Variants in ABTB2 observed in about 807,000 individuals in gnomAD.
ABTB2 encodes the protein ankyrin repeat and BTB/POZ domain-containing protein 2.
In ABTB2, 56 loss-of-function variants were observed where a neutral mutation model predicts 104.1. The observed-to-expected ratio is 0.54, with a 90% CI of 0.43 to 0.67. ABTB2 has a LOEUF of 0.67. Ranked by LOEUF, ABTB2 falls within the 30% of genes least tolerant of loss-of-function variation. The pLI is 0.00. For missense variants in ABTB2, 1,279 were observed against 1,407.7 expected (o/e 0.91, Z 1.46); for synonymous variants, 606 against 608.2 (o/e 1.00, Z 0.05).
intron 14 of ABTB2, among the ~76,000 whole-genome samples, chr11:34,158,193 T>G (rs1274589112): frequency 1.3e-5 from 2 of 152,192 alleles, no homozygotes; most frequent in African/African-American, 2.4e-5. Flanking sequence ...GGCGGGTGGA[T>G]CACAAGGTTA....
At chr11:34,206,332 G>C (rs1853407335) in intron 1 of ABTB2, among the ~76,000 whole-genome samples, 1 of 152,122 alleles carries the variant, frequency 6.6e-6, no homozygotes, top group Non-Finnish European at 1.5e-5. Flanking sequence ...GCAGTGAGCT[G>C]AGATCACGCC....
chr11:34,298,324 C>T (rs1314986530), intron 1 of ABTB2, among the ~76,000 whole-genome samples: 1 of 151,588 alleles, frequency 6.6e-6, no homozygotes, highest in African/African-American at 2.4e-5. Flanking sequence ...ATAGCCTTAG[C>T]ATAAAACTAA....
chr11:34,281,684 G>A (rs965823763), intron 1 of ABTB2, among the ~76,000 whole-genome samples: 4 of 152,186 alleles, frequency 2.6e-5, no homozygotes, highest in Admixed American at 6.5e-5. Context: ...CCAGTATGTT[G>A]ATAGCTTATT....
Position 34,352,134 on chromosome 11 carries a change from A to G in ABTB2, c.883+4567T>C, listed in dbSNP as rs567681380. The stretch of plus-strand genomic sequence containing the variant: ...TCTCTCAGTAGAAATTCATCCTACA[A>G]TCTCATCACTAAATAAATCCCACAA... On this transcript the variant is annotated intron_variant, in intron 1 of 16. Coordinates refer to ENST00000435224, the MANE Select transcript of ABTB2 (RefSeq NM_145804.3). Among the ~76,000 whole-genome samples the G allele has an allele frequency of 9.2e-5, 14 of 152,242 alleles. No homozygotes were observed. In the South Asian group the frequency reaches 1.7e-3, roughly 18 times the overall value.
intron 1 of ABTB2, among the ~76,000 whole-genome samples, chr11:34,350,371 G>T (rs7121182): frequency 0.18 from 27,216 of 152,154 alleles, 2,680 homozygotes; most frequent in Admixed American, 0.23. Context: ...TTGCTGAGCT[G>T]ACCCGCCCAT....
Position 34,272,701 on chromosome 11 carries a change from C to T in ABTB2, c.884-68011G>A, listed in dbSNP as rs541708274. Among the ~76,000 whole-genome samples, 42 of 100,168 alleles carry T rather than the reference C, an allele frequency of 4.2e-4. 1 individual carries two copies. In the East Asian group the frequency reaches 9.6e-3, roughly 23 times the overall value. 65.7% of individuals were successfully genotyped at this position (100,168 alleles called of 152,430 possible). On this transcript the variant is annotated intron_variant, in intron 1 of 16. Transcript: ENST00000435224. ...CAGCCTGGGCGACAGAGTAAGACTC[C>T]GTCTCAAAAAAAAAAAAAAAAAAAA...
intron 1 of ABTB2, among the ~76,000 whole-genome samples, chr11:34,331,403 A>C (rs1458553467): frequency 1.6e-4 from 24 of 152,206 alleles, no homozygotes; most frequent in Admixed American, 1.6e-3. Context: ...TCCTTCAGGA[A>C]AATAGATACA....
At chr11:34,257,154 G>T (rs768284209) in intron 1 of ABTB2, among the ~76,000 whole-genome samples, 10 of 152,144 alleles carry the variant, frequency 6.6e-5, no homozygotes, top group Non-Finnish European at 1.0e-4. Flanking sequence ...CGATGAAGTG[G>T]GCTTGTTATG....
intron 1 of ABTB2, among the ~76,000 whole-genome samples, chr11:34,331,563 G>A (rs1404596031): frequency 6.6e-6 from 1 of 152,202 alleles, no homozygotes; most frequent in Non-Finnish European, 1.5e-5. Context: ...ACCATGACTG[G>A]CCACGTGAGG....
intron 3 of ABTB2, among the ~76,000 whole-genome samples, chr11:34,185,688 G>C (rs543741122): frequency 3.9e-5 from 6 of 152,144 alleles, no homozygotes; most frequent in South Asian, 2.1e-4. Context: ...AGTGGGGTTG[G>C]GGGGAGAGGT....
chr11:34,312,951 T>C (rs1337220440), intron 1 of ABTB2, among the ~76,000 whole-genome samples: 2 of 152,020 alleles, frequency 1.3e-5, no homozygotes, highest in Non-Finnish European at 2.9e-5. Context: ...AGCTGGGGCC[T>C]GAAACACAGG....
chr11:34,266,160 G>A (rs111468374), intron 1 of ABTB2, among the ~76,000 whole-genome samples: 5,310 of 152,176 alleles, frequency 0.035, 186 homozygotes, highest in African/African-American at 0.086. Flanking sequence ...ATAGCTCATC[G>A]TAACCTCAAA....
intron 13 of ABTB2, 73 bp downstream of exon 13, chr11:34,159,833 T>C: frequency 1.6e-6 from 2 of 1,252,654 alleles, no homozygotes; most frequent in East Asian, 2.3e-5. Context: ...CGAGTCACTC[T>C]CTGTCACCTG....
intron 1 of ABTB2, among the ~76,000 whole-genome samples, chr11:34,225,970 G>A (rs1392753761): frequency 2.6e-5 from 4 of 151,840 alleles, no homozygotes; most frequent in Admixed American, 6.6e-5. Flanking sequence ...TTGGGAAGCC[G>A]AGGCGGGTGG....
In ABTB2 at chr11:34,357,134, G is replaced by T; in HGVS notation, c.450C>A (p.His150Gln). ...AREAQRLSVLHAKCTRFEVQS... is the reference protein window; with the variant it reads ...AREAQRLSVLQAKCTRFEVQS... ...GCACCTCAAAGCGGGTGCACTTGGC[G>T]TGCAGCACGCTCAGGCGCTGCGCCT... The change falls in exon 1 of 17, where the codon CAC becomes CAA. Residue 150 changes from histidine (H) to glutamine (Q), a missense_variant. Coordinates refer to ENST00000435224, the MANE Select transcript of ABTB2 (RefSeq NM_145804.3). 6.6e-7 allele frequency: 1 copy of T among 1,504,396 alleles called. No individual in the cohort carries two copies. Among genetic ancestry groups the T allele is most frequent in the South Asian group, 1.3e-5 (1 of 79,678 alleles). The allele number at this position is 1,504,396 out of a possible 1,614,324, so 93.2% of individuals were successfully genotyped here.
intron 8 of ABTB2, 50 bp from the exon 9 acceptor site, chr11:34,164,871 G>C: frequency 1.3e-6 from 2 of 1,560,742 alleles, no homozygotes; most frequent in Non-Finnish European, 1.7e-6. Context: ...GTAGCCGCCA[G>C]GGCAGCTGAG....
intron 1 of ABTB2, among the ~76,000 whole-genome samples, chr11:34,235,358 C>G (rs958332436): frequency 4.6e-5 from 7 of 152,148 alleles, no homozygotes; most frequent in Non-Finnish European, 7.3e-5. Flanking sequence ...ACCTCTAGAC[C>G]TCAGTTTCTT....
intron 3 of ABTB2, among the ~76,000 whole-genome samples, chr11:34,193,339 G>A (rs1000918876): frequency 1.3e-5 from 2 of 152,240 alleles, no homozygotes; most frequent in Non-Finnish European, 2.9e-5. Context: ...GTGCAGGGAG[G>A]CTCCAGCTGC....
rs182956049 is a variant in ABTB2, at chr11:34,204,377, G to A, written c.1030+167C>T. Among the ~76,000 whole-genome samples the A allele has an allele frequency of 3.2e-3, 483 of 152,318 alleles. 3 individuals carry two copies. Among genetic ancestry groups the A allele is most frequent in the Non-Finnish European group, 2.0e-3 (133 of 68,026 alleles). On this transcript the variant is annotated intron_variant, in intron 2 of 16. Coordinates refer to ENST00000435224, the MANE Select transcript of ABTB2 (RefSeq NM_145804.3). ...ACCAGAAATCCAGATTTGTGTATTT[G>A]CAACCTCTGGTCTAGAAAGATCTAG...
Sources: gnomAD v4.1 joint callset for allele counts (sites outside exome capture counted in the v4.1 genomes callset) on GRCh38, gnomAD v4.1.1 for gene constraint, MANE v1.5 for transcripts, NCBI Gene and HGNC (gene_info 2026-07-23, HGNC 2026-07-21) for gene names.